Variants in BRINP1 observed in about 807,000 individuals in gnomAD.
The protein encoded by BRINP1 is BMP/retinoic acid inducible neural specific 1, also known as BMP/retinoic acid-inducible neural-specific protein 1.
Under a neutral mutation model 72.9 loss-of-function variants are expected in BRINP1, and 17 were observed. The ratio of observed to expected loss-of-function variants is 0.23; its 90% confidence interval spans 0.16 to 0.35. The LOEUF (loss-of-function observed/expected upper bound fraction) is 0.35, where lower values mean the gene tolerates loss of function less well. Ranked by LOEUF, BRINP1 falls within the 10% of genes least tolerant of loss-of-function variation. The pLI is 1.00. For synonymous variants in BRINP1, 418 were observed against 378.5 expected (o/e 1.10, Z -1.21); for missense variants, 850 against 1,001.6 (o/e 0.85, Z 2.04).
intron 2 of BRINP1, among the ~76,000 whole-genome samples, chr9:119,311,281 T>C (rs1831064032): frequency 6.6e-6 from 1 of 152,248 alleles, no homozygotes; most frequent in Admixed American, 6.5e-5. Context: ...ACTTCTGGGT[T>C]GAACTCTGTC....
At chr9:119,314,877 C>A (rs1226483153) in intron 1 of BRINP1, among the ~76,000 whole-genome samples, 2 of 152,102 alleles carry the variant, frequency 1.3e-5, no homozygotes, top group Non-Finnish European at 2.9e-5. Context: ...ACAGTAAGTG[C>A]TCAATAAATG....
Position 119,356,804 on chromosome 9 carries a change from C to CAA in BRINP1, c.-51+12250_-51+12251dup, listed in dbSNP as rs61323149. ...TGGGCAACAGAGTGAGGCTCCGTCT[C>CAA]AAAAAAAAAAAAAACAAAAGTTTGT... On this transcript the variant is annotated intron_variant, in intron 1 of 7. Coordinates refer to ENST00000265922, the MANE Select transcript of BRINP1 (RefSeq NM_014618.3). 2.1e-3 allele frequency among the ~76,000 whole-genome samples: 236 copies of CAA among 115,108 alleles called. 6 individuals are homozygous for CAA. In the East Asian group the frequency reaches 0.021, roughly 10 times the overall value. 75.5% of individuals were successfully genotyped at this position (115,108 alleles called of 152,430 possible). A position where few individuals can be genotyped will look rare whatever the true frequency, so the allele number is the denominator to read the frequency against.
At chr9:119,227,841 C>T (rs1159473527) in intron 5 of BRINP1, among the ~76,000 whole-genome samples, 1 of 151,970 alleles carries the variant, frequency 6.6e-6, no homozygotes, top group Non-Finnish European at 1.5e-5. Context: ...CTCTTTGAGC[C>T]TCAATTTCTT....
chr9:119,363,814 G>C (rs1306092021), intron 1 of BRINP1, among the ~76,000 whole-genome samples: 1 of 152,118 alleles, frequency 6.6e-6, no homozygotes, highest in Admixed American at 6.5e-5. Context: ...TAAATATTCA[G>C]TTCATCAGCA....
chr9:119,276,634 T>C (rs924095576), intron 2 of BRINP1, among the ~76,000 whole-genome samples: 1 of 152,216 alleles, frequency 6.6e-6, no homozygotes, highest in Admixed American at 6.5e-5. Context: ...ACAAATCATC[T>C]GGCAATGAGT....
chr9:119,324,272 C>T (rs912387987), intron 1 of BRINP1, among the ~76,000 whole-genome samples: 8 of 152,074 alleles, frequency 5.3e-5, no homozygotes, highest in African/African-American at 1.9e-4. Context: ...CAAGACTCAT[C>T]CCACATACCA....
chr9:119,289,920 G>C (rs536587908), intron 2 of BRINP1, among the ~76,000 whole-genome samples: 12 of 152,268 alleles, frequency 7.9e-5, no homozygotes, highest in South Asian at 2.1e-4. Flanking sequence ...TCTTGACTGG[G>C]CCAGTCTGAA....
chr9:119,223,210 T>C (rs1830058449), intron 5 of BRINP1, among the ~76,000 whole-genome samples: 1 of 152,110 alleles, frequency 6.6e-6, no homozygotes, highest in Admixed American at 6.6e-5. Context: ...AAAAATTAAA[T>C]GAGCTATTTT....
intron 1 of BRINP1, among the ~76,000 whole-genome samples, chr9:119,326,608 C>A (rs1422792313): frequency 6.6e-6 from 1 of 152,106 alleles, no homozygotes; most frequent in Non-Finnish European, 1.5e-5. Flanking sequence ...GCCTTTGGAG[C>A]TTTCTCCCCA....
At chr9:119,363,706 C>T (rs991897438) in intron 1 of BRINP1, among the ~76,000 whole-genome samples, 1 of 152,178 alleles carries the variant, frequency 6.6e-6, no homozygotes, top group Non-Finnish European at 1.5e-5. Context: ...GTACATGCTA[C>T]ATTTCTAAAG....
At chr9:119,243,474 T>A (rs1391603465) in intron 3 of BRINP1, among the ~76,000 whole-genome samples, 1 of 152,224 alleles carries the variant, frequency 6.6e-6, no homozygotes. Flanking sequence ...TTGAGTTGAT[T>A]CTATGTCTTT....
chr9:119,175,045 C>A (rs1413314863), intron 7 of BRINP1, among the ~76,000 whole-genome samples: 3 of 144,882 alleles, frequency 2.1e-5, no homozygotes, highest in Non-Finnish European at 4.5e-5. Flanking sequence ...TGCAGTGCAC[C>A]AGCATGGCAC....
intron 7 of BRINP1, among the ~76,000 whole-genome samples, chr9:119,172,135 A>G (rs1829419368): frequency 6.6e-6 from 1 of 151,732 alleles, no homozygotes; most frequent in African/African-American, 2.4e-5. Context: ...CTAAAATCAG[A>G]GCAGAACTGA....
At chr9:119,364,105 A>C (rs1367022353) in intron 1 of BRINP1, among the ~76,000 whole-genome samples, 2 of 149,614 alleles carry the variant, frequency 1.3e-5, no homozygotes, top group African/African-American at 4.9e-5. Context: ...TCAGGGTGCC[A>C]AGAGGCCTCC....
intron 2 of BRINP1, among the ~76,000 whole-genome samples, chr9:119,298,143 G>GAA (rs1335233088): frequency 6.6e-6 from 1 of 152,196 alleles, no homozygotes; most frequent in Non-Finnish European, 1.5e-5. Flanking sequence ...GTGATAGTCT[G>GAA]AAATCAGACC....
intron 1 of BRINP1, among the ~76,000 whole-genome samples, chr9:119,334,160 TATC>T (rs966433100): frequency 1.2e-4 from 19 of 152,310 alleles, no homozygotes; most frequent in African/African-American, 4.6e-4. Flanking sequence ...TGCCTCAAAA[TATC>T]ATACCTGCTT....
At chr9:119,245,066 T>C (rs1830299848) in intron 3 of BRINP1, among the ~76,000 whole-genome samples, 1 of 152,156 alleles carries the variant, frequency 6.6e-6, no homozygotes, top group Non-Finnish European at 1.5e-5. Flanking sequence ...TTCCTCTTAG[T>C]CAAGGGGACT....
chr9:119,248,842 G>T, intron 3 of BRINP1, 118 bp downstream of exon 3: 1 of 884,244 alleles, frequency 1.1e-6, no homozygotes, highest in Non-Finnish European at 1.7e-6. Context: ...AAATGCTTTT[G>T]TGTGATGTAG....
chr9:119,344,249 A>G (rs1324953789), intron 1 of BRINP1, among the ~76,000 whole-genome samples: 1 of 152,244 alleles, frequency 6.6e-6, no homozygotes, highest in African/African-American at 2.4e-5. Context: ...GGGACAGTGC[A>G]TATAAAATGT....
Sources: allele counts gnomAD v4.1 joint callset (sites outside exome capture counted in the v4.1 genomes callset), GRCh38; gene constraint gnomAD v4.1.1; transcripts MANE v1.5; gene names NCBI Gene and HGNC (gene_info 2026-07-23, HGNC 2026-07-21).